Variants in COL4A3 observed in about 807,000 individuals in gnomAD.
The protein encoded by COL4A3 is collagen alpha-3(IV) chain.
Under a neutral mutation model 217.4 loss-of-function variants are expected in COL4A3, and 135 were observed. The ratio of observed to expected loss-of-function variants is 0.62; its 90% CI spans 0.54 to 0.72. The LOEUF is 0.72. Ranked by LOEUF, COL4A3 falls within the 30% of genes least tolerant of loss-of-function variation. COL4A3 has a pLI of 0.00. For missense variants in COL4A3, 1,868 were observed against 2,119.9 expected, an observed-to-expected ratio of 0.88 and a Z score of 2.33; for synonymous variants, 690 against 736.3, an observed-to-expected ratio of 0.94 and a Z score of 1.02.
intron 11 of COL4A3, 111 bp downstream of exon 11, chr2:227,251,482 CA>C: frequency 1.0e-6 from 1 of 979,056 alleles, no homozygotes; most frequent in Non-Finnish European, 1.6e-6. Context: ...CTGGAACTCA[CA>C]AGGATCCCTA....
rs1194673105 is a variant in COL4A3, at chr2:227,312,819, TTTG to T, written c.*953_*955del. ...ATAATCCATGAAAGAACTTAAGGCA[TTTG>T]TTGGTTTATCAGACTCGGAATCTAT... On this transcript the variant is annotated 3_prime_UTR_variant, in exon 52 of 52. Coordinates refer to ENST00000396578, the MANE Select transcript of COL4A3 (RefSeq NM_000091.5). 5.2e-5 allele frequency: 8 copies of T among 152,710 alleles called. No homozygotes were observed. Among genetic ancestry groups the T allele is most frequent in the Admixed American group, 2.0e-4 (3 of 15,290 alleles). 9.5% of individuals were successfully genotyped at this position (152,710 alleles called of 1,614,324 possible). A position where few individuals can be genotyped will look rare whatever the true frequency, so the allele number is the denominator to read the frequency against.
At chr2:227,223,013 C>T (rs192328308) in intron 1 of COL4A3, among the ~76,000 whole-genome samples, 1 of 152,332 alleles carries the variant, frequency 6.6e-6, no homozygotes, top group African/African-American at 2.4e-5. Context: ...CTCAACTATC[C>T]TATATTTTTA....
rs752343184 is a variant in COL4A3 at position 227,164,938 on chromosome 2, GAGGGCTTCACGC to G, written c.87+129_87+140del. The G allele has an allele frequency of 1.1e-5, 13 of 1,200,168 alleles. No homozygotes were observed. The highest frequency in any genetic ancestry group is 1.3e-5 in the Non-Finnish European group (12 of 907,102). 74.3% of individuals were successfully genotyped at this position (1,200,168 alleles called of 1,614,324 possible). On this transcript the variant is annotated intron_variant, in intron 1 of 51. Transcript: ENST00000396578. The surrounding 1 kb of genome is among the most constrained non-coding windows in gnomAD (Gnocchi z 4.8). ...CGGCTGCCGGGCTAGTGGCGAGGCTGAGGGCTTCACGCAGGTCCCGGGACAGGCAGCGAGCGG... is the reference window on the plus strand; with the variant it reads ...CGGCTGCCGGGCTAGTGGCGAGGCTGAGGTCCCGGGACAGGCAGCGAGCGG...
Position 227,250,520 on chromosome 2 carries a change from A to T in COL4A3, c.547-620A>T, listed in dbSNP as rs2069676447. Among the ~76,000 whole-genome samples the T allele has an allele frequency of 6.6e-6, 1 of 151,522 alleles. No homozygotes were observed. Among genetic ancestry groups the T allele is most frequent in the Admixed American group, 6.6e-5 (1 of 15,176 alleles). ...AACACAGCAAGACCCAGTCTCTTAA[A>T]ATATATATATATATTGCCTTCATAG... On this transcript the variant is annotated intron_variant, in intron 9 of 51. Transcript: ENST00000396578. The surrounding 1 kb of genome is among the most constrained non-coding windows in gnomAD (Gnocchi z 4.1).
intron 3 of COL4A3, among the ~76,000 whole-genome samples, chr2:227,240,455 C>T (rs1266807888): frequency 6.6e-6 from 1 of 152,184 alleles, no homozygotes; most frequent in Non-Finnish European, 1.5e-5. Context: ...TCCAGTTCAT[C>T]TCCCTCCCTA....
At chr2:227,266,359 A>G (rs1361073489) in intron 21 of COL4A3, 58 bp from the exon 22 acceptor site, 2 of 1,236,544 alleles carry the variant, frequency 1.6e-6, no homozygotes, top group Non-Finnish European at 2.4e-6. Context: ...ATATTACAAT[A>G]CTTGCTAATT....
At position 227,191,058 on chromosome 2, in the gene COL4A3, A is replaced by G. The variant is rs1294906578; in HGVS notation, c.87+26245A>G. On this transcript the variant is annotated intron_variant, in intron 1 of 51. Coordinates refer to ENST00000396578, the MANE Select transcript of COL4A3 (RefSeq NM_000091.5). This position sits in a 1 kb window ranked among gnomAD's most constrained non-coding sequence, Gnocchi z 6.8. ...AAAAAATAGATGCAAAGGTTATTAT[A>G]TATGAAATTTTATGTCTTTTTTCTC... Among the ~76,000 whole-genome samples, 1 of 152,198 alleles carries G rather than the reference A, an allele frequency of 6.6e-6. No individual in the cohort carries two copies. Among genetic ancestry groups the G allele is most frequent in the Admixed American group, 6.5e-5 (1 of 15,274 alleles).
At chr2:227,222,957 G>A (rs1168178919) in intron 1 of COL4A3, among the ~76,000 whole-genome samples, 4 of 152,192 alleles carry the variant, frequency 2.6e-5, no homozygotes, top group Non-Finnish European at 4.4e-5. Context: ...AATCAACCAA[G>A]TGACATCATC....
At chr2:227,222,980 T>G (rs1043144173) in intron 1 of COL4A3, among the ~76,000 whole-genome samples, 6 of 152,342 alleles carry the variant, frequency 3.9e-5, no homozygotes, top group Non-Finnish European at 8.8e-5. Flanking sequence ...ATTCGGGGAA[T>G]TTATTTAGGA....
At chr2:227,190,630 A>G (rs531905511) in intron 1 of COL4A3, among the ~76,000 whole-genome samples, 1 of 152,352 alleles carries the variant, frequency 6.6e-6, no homozygotes, top group Non-Finnish European at 1.5e-5. Flanking sequence ...AGTAATAGGT[A>G]GTCTGGGCAT....
At position 227,304,988 on chromosome 2, in the gene COL4A3, C is replaced by G. The variant is rs2073443332; in HGVS notation, c.4157C>G (p.Pro1386Arg). ...TACAATGTTGGTTTTTGCCTAGGAC[C>G]CTGTGGGCCAAGAGGTAAGCCAGGC... is the stretch of plus-strand genomic sequence containing the variant. ...GPPGPPGNLG[P>R]CGPRGKPGKD... is the part of the protein sequence containing the mutation. Residue 1386 changes from proline (P) to arginine (R), a missense_variant, in exon 47 of 52, where the codon CCC becomes CGC. By Grantham distance (103) the Pro-to-Arg change is moderately radical (BLOSUM62 -2). Coordinates refer to ENST00000396578, the MANE Select transcript of COL4A3 (RefSeq NM_000091.5). 2 of 1,613,372 alleles carry G rather than the reference C, an allele frequency of 1.2e-6. No individual in the cohort carries two copies. The highest frequency in any genetic ancestry group is 1.1e-5 in the South Asian group (1 of 91,022).
At chr2:227,218,918 T>A (rs528094628) in intron 1 of COL4A3, among the ~76,000 whole-genome samples, 35 of 152,336 alleles carry the variant, frequency 2.3e-4, no homozygotes, top group Admixed American at 6.5e-4. Flanking sequence ...ACAAAACAGA[T>A]GTTGCCATTA....
At chr2:227,308,607 T>C (rs1217538398) in intron 48 of COL4A3, among the ~76,000 whole-genome samples, 2 of 152,226 alleles carry the variant, frequency 1.3e-5, no homozygotes, top group Non-Finnish European at 2.9e-5. Flanking sequence ...TGGGAATACT[T>C]TGAAGCAAAA....
chr2:227,219,737 CTTCTT>C (rs990967192), intron 1 of COL4A3, among the ~76,000 whole-genome samples: 8 of 152,046 alleles, frequency 5.3e-5, no homozygotes, highest in African/African-American at 1.9e-4. Flanking sequence ...AATTTTTAAT[CTTCTT>C]TTCTTGTTTT....
rs1172672657 is a variant in COL4A3 at position 227,247,595 on chromosome 2, G to A, written c.468+11G>A. 18 of 1,613,732 alleles carry A rather than the reference G, an allele frequency of 1.1e-5. No individual in the cohort carries two copies. ...TTGAAAGGACAAAAGGTAAGTCATT[G>A]GTGGAATGCTGTCACTGAAAATCTC... is the stretch of plus-strand genomic sequence containing the variant. On this transcript the variant is annotated intron_variant, in intron 8 of 51. Coordinates refer to ENST00000396578, the MANE Select transcript of COL4A3 (RefSeq NM_000091.5).
intron 3 of COL4A3, among the ~76,000 whole-genome samples, chr2:227,241,092 C>T (rs1483069599): frequency 2.0e-5 from 3 of 152,164 alleles, no homozygotes; most frequent in African/African-American, 7.2e-5. Flanking sequence ...GAGTCTATGA[C>T]CCTTCACACT....
chr2:227,187,143 C>T (rs1199116736), intron 1 of COL4A3, among the ~76,000 whole-genome samples: 1 of 152,194 alleles, frequency 6.6e-6, no homozygotes. Context: ...CAGGAAGACA[C>T]ACTGTCTTTA....
At chr2:227,209,240 C>T (rs1003489495) in intron 1 of COL4A3, among the ~76,000 whole-genome samples, 9 of 152,198 alleles carry the variant, frequency 5.9e-5, no homozygotes, top group African/African-American at 7.2e-5. Context: ...GCCTATGTTG[C>T]GTCCAGCTGG....
chr2:227,299,709 A>G (rs1033453014), intron 43 of COL4A3, among the ~76,000 whole-genome samples: 2 of 152,228 alleles, frequency 1.3e-5, no homozygotes, highest in Admixed American at 1.3e-4. Flanking sequence ...AAGGGAACAC[A>G]GTCCAGAAGT....
Sources: allele counts gnomAD v4.1 joint callset (sites outside exome capture counted in the v4.1 genomes callset), GRCh38; gene constraint gnomAD v4.1.1; non-coding constraint Gnocchi (gnomAD v3.1); transcripts MANE v1.5; gene names NCBI Gene and HGNC (gene_info 2026-07-23, HGNC 2026-07-21).